The following MCU variants were observed in gnomAD, a reference collection of about 807,000 sequenced individuals.
MCU encodes mitochondrial calcium uniporter.
In MCU, 12 loss-of-function variants were observed where a neutral mutation model predicts 45.2. The ratio of observed to expected loss-of-function variants is 0.27; its 90% CI spans 0.17 to 0.43. MCU has a LOEUF of 0.43. Ranked by LOEUF, MCU falls within the 20% of genes least tolerant of loss-of-function variation. MCU has a pLI of 1.00. For synonymous variants in MCU, 160 were observed against 165.1 expected (o/e 0.97, Z 0.24); for missense variants, 324 against 436.7 (o/e 0.74, Z 2.30).
intron 1 of MCU, among the ~76,000 whole-genome samples, chr10:72,805,157 T>TTCTTTCTTTCTG (rs1564562326): frequency 7.3e-6 from 1 of 137,912 alleles, no homozygotes; most frequent in Non-Finnish European, 1.5e-5. Context: ...CTTTCTTTCT[T>TTCTTTCTTTCTG]TCTGTCTCTC....
intron 1 of MCU, among the ~76,000 whole-genome samples, chr10:72,780,751 G>A (rs1485982096): frequency 6.6e-6 from 1 of 152,124 alleles, no homozygotes; most frequent in Non-Finnish European, 1.5e-5. Context: ...GAAGAGTGAT[G>A]TCTGGATCTT....
At chr10:72,812,667 C>G (rs1187621888) in intron 1 of MCU, among the ~76,000 whole-genome samples, 3 of 152,114 alleles carry the variant, frequency 2.0e-5, no homozygotes, top group Admixed American at 2.0e-4. Flanking sequence ...TCATGAAGGG[C>G]TGTTTTCTGA....
chr10:72,852,638 GAGA>G, intron 2 of MCU, among the ~76,000 whole-genome samples: 1 of 152,206 alleles, frequency 6.6e-6, no homozygotes, highest in East Asian at 1.9e-4. Context: ...TTGCATCACA[GAGA>G]GGGGAAACAG....
At chr10:72,722,488 G>C (rs1407712042) in intron 1 of MCU, among the ~76,000 whole-genome samples, 1 of 150,602 alleles carries the variant, frequency 6.6e-6, no homozygotes, top group African/African-American at 2.4e-5. Context: ...TAACAAGATT[G>C]AGTTGTAGTT....
chr10:72,791,937 T>C (rs754464136), intron 1 of MCU, among the ~76,000 whole-genome samples: 1 of 152,174 alleles, frequency 6.6e-6, no homozygotes, highest in African/African-American at 2.4e-5. Context: ...ATGTAGTAAT[T>C]TTAAAGAGGG....
At chr10:72,865,926 G>A (rs1301909205) in intron 4 of MCU, among the ~76,000 whole-genome samples, 1 of 151,726 alleles carries the variant, frequency 6.6e-6, no homozygotes, top group Non-Finnish European at 1.5e-5. Flanking sequence ...ACAGGCGCCT[G>A]CCACCATGCC....
chr10:72,816,856 T>A (rs1243260304), intron 1 of MCU, among the ~76,000 whole-genome samples: 1 of 152,238 alleles, frequency 6.6e-6, no homozygotes, highest in East Asian at 1.9e-4. Context: ...CAAGTTCATA[T>A]AAGTGTGATG....
At chr10:72,740,036 G>A (rs1564543422) in intron 1 of MCU, among the ~76,000 whole-genome samples, 1 of 151,734 alleles carries the variant, frequency 6.6e-6, no homozygotes, top group Middle Eastern at 3.4e-3. Flanking sequence ...TTTTCTCCTC[G>A]ATGTGTGTTG....
At position 72,884,330 on chromosome 10, in the gene MCU, A is replaced by C. The variant is rs1317988628; in HGVS notation, c.926A>C (p.Lys309Thr). 1.9e-6 allele frequency: 3 copies of C among 1,613,136 alleles called. No individual in the cohort carries two copies. Among genetic ancestry groups the C allele is most frequent in the Non-Finnish European group, 2.5e-6 (3 of 1,179,244 alleles). The part of the protein sequence containing the change: ...YLLFFHKGAK[K>T]SRFDLEKYNQ... Reference sequence around the variant, plus strand: ...CTATTTTTCCATAAAGGAGCCAAAAAGTCACGTTTTGACCTAGAGAAATAC... The same window carrying C: ...CTATTTTTCCATAAAGGAGCCAAAACGTCACGTTTTGACCTAGAGAAATAC... The change falls in exon 7 of 8, where the codon AAG (lysine) becomes ACG (threonine). Residue 309 changes from lysine to threonine, a missense_variant. Around this residue, in one of 4 missense-constraint regions of MCU, gnomAD observed 76 missense variants for 99.4 expected, o/e 0.76. Transcript: ENST00000373053.
At chr10:72,700,257 C>T (rs1265380499) in intron 1 of MCU, among the ~76,000 whole-genome samples, 2 of 151,766 alleles carry the variant, frequency 1.3e-5, no homozygotes, top group Non-Finnish European at 2.9e-5. Flanking sequence ...GACAGGATTT[C>T]GCCATGTTGG....
intron 1 of MCU, among the ~76,000 whole-genome samples, chr10:72,794,316 A>G (rs543682116): frequency 2.4e-4 from 37 of 152,274 alleles, no homozygotes; most frequent in African/African-American, 8.9e-4. Flanking sequence ...AAATAGGGGG[A>G]AAACGAGATT....
intron 1 of MCU, among the ~76,000 whole-genome samples, chr10:72,797,758 C>T (rs891000531): frequency 2.0e-5 from 3 of 152,192 alleles, no homozygotes; most frequent in Non-Finnish European, 2.9e-5. Flanking sequence ...TGGTCTCGAG[C>T]TCCTGACCTC....
chr10:72,784,057 G>A (rs1365678797), intron 1 of MCU, among the ~76,000 whole-genome samples: 3 of 152,124 alleles, frequency 2.0e-5, no homozygotes, highest in South Asian at 4.1e-4. Flanking sequence ...AAGTGAAGCC[G>A]GGGGAAAGCC....
At chr10:72,705,081 T>C (rs1842803221) in intron 1 of MCU, among the ~76,000 whole-genome samples, 1 of 152,020 alleles carries the variant, frequency 6.6e-6, no homozygotes, top group Non-Finnish European at 1.5e-5. Context: ...CAGGCTGGTC[T>C]CAAACTCCCA....
chr10:72,712,880 G>T (rs1288987298), intron 1 of MCU, among the ~76,000 whole-genome samples: 2 of 152,148 alleles, frequency 1.3e-5, no homozygotes, highest in Non-Finnish European at 2.9e-5. Context: ...ACACAGGGCA[G>T]AGCTTCATTC....
At chr10:72,857,994 CTT>C (rs1260500133) in intron 2 of MCU, among the ~76,000 whole-genome samples, 1 of 152,162 alleles carries the variant, frequency 6.6e-6, no homozygotes, top group Non-Finnish European at 1.5e-5. Context: ...AGAATGCTAA[CTT>C]ATGACAACTG....
At chr10:72,814,347 G>A (rs1844592604) in intron 1 of MCU, among the ~76,000 whole-genome samples, 2 of 152,086 alleles carry the variant, frequency 1.3e-5, no homozygotes, top group African/African-American at 4.8e-5. Context: ...GGCTTCTTCT[G>A]AGCAATTCTT....
chr10:72,768,002 T>C lies in MCU; in HGVS notation c.151-66357T>C, dbSNP rs1337457438. On this transcript the variant is annotated intron_variant, in intron 1 of 7. Coordinates refer to ENST00000373053, the MANE Select transcript of MCU (RefSeq NM_138357.3). Reference sequence around the variant, plus strand: ...ACAATATTTGAGGGAACATAGAAAATGTCAAGATTCTTAAAATGACTTGTA... The same window carrying C: ...ACAATATTTGAGGGAACATAGAAAACGTCAAGATTCTTAAAATGACTTGTA... Among the ~76,000 whole-genome samples the C allele has an allele frequency of 3.9e-5, 6 of 152,038 alleles. No individual in the cohort carries two copies. The South Asian group carries it at 1.2e-3, about 32-fold the overall frequency.
chr10:72,874,411 A>C (rs1845590128), intron 6 of MCU, among the ~76,000 whole-genome samples: 1 of 152,220 alleles, frequency 6.6e-6, no homozygotes, highest in South Asian at 2.1e-4. Flanking sequence ...GAGACATCGG[A>C]AAAGCTTTTT....
Sources: allele counts gnomAD v4.1 joint callset (sites outside exome capture counted in the v4.1 genomes callset), GRCh38; gene constraint gnomAD v4.1.1; regional missense constraint gnomAD v4.1.1; transcripts MANE v1.5; gene names NCBI Gene and HGNC (gene_info 2026-07-23, HGNC 2026-07-21).